The following DLG2 variants were observed in gnomAD, a reference collection of about 807,000 sequenced individuals.
DLG2 encodes disks large homolog 2.
In DLG2, 45 loss-of-function variants were observed where a neutral mutation model predicts 132.5. The ratio of observed to expected loss-of-function variants is 0.34; its 90% CI spans 0.27 to 0.44. The LOEUF is 0.44. Among genes scored for constraint, DLG2 ranks in the 20% least tolerant of loss-of-function variants. The pLI, the probability that DLG2 is intolerant of heterozygous loss-of-function variation, is 1.00. For missense variants in DLG2, 1,045 were observed against 1,196.9 expected, an observed-to-expected ratio of 0.87 and a Z score of 1.87; for synonymous variants, 424 against 419.6, an observed-to-expected ratio of 1.01 and a Z score of -0.13.
chr11:84,037,509 T>C (rs978958463), intron 11 of DLG2, among the ~76,000 whole-genome samples: 11 of 152,146 alleles, frequency 7.2e-5, no homozygotes, highest in African/African-American at 2.7e-4. Context: ...TTATATAACA[T>C]ATTGACTTAA....
chr11:85,514,701 G>A (rs961134072), intron 3 of DLG2, among the ~76,000 whole-genome samples: 1 of 151,884 alleles, frequency 6.6e-6, no homozygotes, highest in Non-Finnish European at 1.5e-5. Context: ...TTAAATAGAT[G>A]TTTAAATCTT....
At chr11:85,212,957 G>A (rs981196032) in intron 4 of DLG2, among the ~76,000 whole-genome samples, 7 of 152,110 alleles carry the variant, frequency 4.6e-5, no homozygotes, top group South Asian at 2.1e-4. Flanking sequence ...GCTACAAAAT[G>A]TGAGTAGGTA....
intron 9 of DLG2, among the ~76,000 whole-genome samples, chr11:84,134,360 A>G (rs937533619): frequency 6.6e-6 from 1 of 152,108 alleles, no homozygotes; most frequent in African/African-American, 2.4e-5. Context: ...GGCTCACACA[A>G]AAGAATACAG....
intron 7 of DLG2, among the ~76,000 whole-genome samples, chr11:84,299,359 A>C (rs2098127998): frequency 6.6e-6 from 1 of 152,266 alleles, no homozygotes; most frequent in Non-Finnish European, 1.5e-5. Context: ...AGGTTATTGC[A>C]AACAGTTTAT....
intron 4 of DLG2, among the ~76,000 whole-genome samples, chr11:85,281,507 T>C (rs1157196767): frequency 6.6e-6 from 1 of 152,040 alleles, no homozygotes; most frequent in Non-Finnish European, 1.5e-5. Flanking sequence ...AGTAAAATAT[T>C]TCTAATTTCT....
intron 6 of DLG2, among the ~76,000 whole-genome samples, chr11:84,950,419 T>G (rs1484968338): frequency 6.6e-6 from 1 of 152,232 alleles, no homozygotes; most frequent in Non-Finnish European, 1.5e-5. Flanking sequence ...CACAGATCTA[T>G]TCCTCCTAAC....
At chr11:83,804,804 G>A (rs745906787) in intron 17 of DLG2, among the ~76,000 whole-genome samples, 12 of 151,996 alleles carry the variant, frequency 7.9e-5, no homozygotes, top group Non-Finnish European at 7.4e-5. Context: ...AATTTCCTCC[G>A]TTATCCTCCA....
chr11:83,891,702 A>G (rs1596025061), intron 15 of DLG2, among the ~76,000 whole-genome samples: 2 of 152,278 alleles, frequency 1.3e-5, no homozygotes, highest in East Asian at 3.9e-4. Context: ...TTACCCTGAC[A>G]GGGGAATGCC....
chr11:85,124,556 T>A (rs2074833013), intron 5 of DLG2, among the ~76,000 whole-genome samples: 1 of 152,168 alleles, frequency 6.6e-6, no homozygotes, highest in South Asian at 2.1e-4. Context: ...ATAAAGTGAG[T>A]TTACTAAGAT....
intron 3 of DLG2, among the ~76,000 whole-genome samples, chr11:85,422,016 C>T (rs2090353410): frequency 6.6e-6 from 1 of 152,170 alleles, no homozygotes; most frequent in Admixed American, 6.5e-5. Flanking sequence ...GATAGGGCCC[C>T]AATCCCTTCT....
Position 83,927,465 on chromosome 11 carries a change from TA to T in DLG2, c.1496+2862del, listed in dbSNP as rs751764022. On this transcript the variant is annotated intron_variant, in intron 15 of 27. Transcript: ENST00000376104. ...GACCAGAAATTAATCAGGCAAAGTG[TA>T]AAAAGAGCTTTCCAATTCCAGGGAA... is the stretch of plus-strand genomic sequence containing the variant. 1.4e-4 allele frequency among the ~76,000 whole-genome samples: 22 copies of T among 152,232 alleles called. No homozygotes were observed. In the Middle Eastern group the frequency reaches 0.01, roughly 71 times the overall value.
chr11:83,876,898 A>G (rs1481063558), intron 15 of DLG2, among the ~76,000 whole-genome samples: 1 of 152,188 alleles, frequency 6.6e-6, no homozygotes, highest in Non-Finnish European at 1.5e-5. Flanking sequence ...GAGTTACATA[A>G]CGTTACTTCC....
At chr11:85,371,454 C>T (rs939549706) in intron 3 of DLG2, among the ~76,000 whole-genome samples, 1 of 152,142 alleles carries the variant, frequency 6.6e-6, no homozygotes, top group Admixed American at 6.5e-5. Context: ...TGTGAGTATT[C>T]TTATGACAAT....
At chr11:83,606,130 T>C (rs2059302249) in intron 19 of DLG2, among the ~76,000 whole-genome samples, 1 of 152,190 alleles carries the variant, frequency 6.6e-6, no homozygotes, top group South Asian at 2.1e-4. Flanking sequence ...TATCTTTTCA[T>C]ACTTAAAAGA....
chr11:85,379,740 G>A (rs1413568606), intron 3 of DLG2, among the ~76,000 whole-genome samples: 1 of 152,204 alleles, frequency 6.6e-6, no homozygotes, highest in East Asian at 1.9e-4. Context: ...TGATATTATA[G>A]AGATTGCAAC....
intron 6 of DLG2, among the ~76,000 whole-genome samples, chr11:84,690,387 G>A (rs2153723925): frequency 6.6e-6 from 1 of 151,306 alleles, no homozygotes; most frequent in East Asian, 2.0e-4. Context: ...ATATCACATT[G>A]TACTTCACAA....
At chr11:84,106,297 G>A (rs1043833607) in intron 9 of DLG2, among the ~76,000 whole-genome samples, 2 of 152,038 alleles carry the variant, frequency 1.3e-5, no homozygotes, top group African/African-American at 4.8e-5. Flanking sequence ...CACATTACTT[G>A]TTAAAATTAT....
chr11:84,374,232 A>G (rs1315063243), intron 7 of DLG2, among the ~76,000 whole-genome samples: 1 of 152,170 alleles, frequency 6.6e-6, no homozygotes, highest in Admixed American at 6.5e-5. Flanking sequence ...TCCCCAAACC[A>G]GTTTCTCCAA....
chr11:83,841,778 T>C (rs1299681171), intron 16 of DLG2, among the ~76,000 whole-genome samples: 1 of 152,246 alleles, frequency 6.6e-6, no homozygotes, highest in Non-Finnish European at 1.5e-5. Flanking sequence ...CTTAAAAATA[T>C]GTATCTTACC....
Sources: allele counts gnomAD v4.1 joint callset (sites outside exome capture counted in the v4.1 genomes callset), GRCh38; gene constraint gnomAD v4.1.1; transcripts MANE v1.5; gene names NCBI Gene and HGNC (gene_info 2026-07-23, HGNC 2026-07-21).